Variants in PFKFB3 observed in about 807,000 individuals in gnomAD.
The protein encoded by PFKFB3 is 6-phosphofructo-2-kinase/fructose-2,6-biphosphatase 3, also known as 6-phosphofructo-2-kinase/fructose-2,6-bisphosphatase 3.
In PFKFB3, 33 loss-of-function variants were observed where a neutral mutation model predicts 68.0. The ratio of observed to expected loss-of-function variants is 0.49; its 90% CI spans 0.37 to 0.65. PFKFB3 has a LOEUF of 0.65. Ranked by LOEUF, PFKFB3 falls within the 30% of genes least tolerant of loss-of-function variation. The pLI is 0.00. For missense variants in PFKFB3, 586 were observed against 712.2 expected, an observed-to-expected ratio of 0.82 and a Z score of 2.02; for synonymous variants, 315 against 288.2, an observed-to-expected ratio of 1.09 and a Z score of -0.94.
the PFKFB3 span, among the ~76,000 whole-genome samples, chr10:6,291,994 C>T: frequency 8.8e-6 from 1 of 113,588 alleles, no homozygotes; most frequent in Admixed American, 1.2e-4. Flanking sequence ...CACTCTGTTG[C>T]TTAGGCTGGC....
chr10:6,186,088 G>T (rs1842861276), intron 1 of PFKFB3, among the ~76,000 whole-genome samples: 1 of 152,058 alleles, frequency 6.6e-6, no homozygotes, highest in Non-Finnish European at 1.5e-5. Context: ...GAAGGTGATT[G>T]GTGGTGTTTT....
intron 1 of PFKFB3, among the ~76,000 whole-genome samples, chr10:6,206,935 A>G (rs1356354934): frequency 5.0e-5 from 7 of 141,366 alleles, no homozygotes; most frequent in African/African-American, 1.8e-4. Context: ...CCAGGCAGAG[A>G]CACTCCTCAC....
intron 1 of PFKFB3, among the ~76,000 whole-genome samples, chr10:6,196,413 G>A (rs982988315): frequency 2.0e-5 from 3 of 152,118 alleles, no homozygotes; most frequent in African/African-American, 4.8e-5. Context: ...TGACTCCCAC[G>A]ATCACAAGGT....
chr10:6,284,275 G>C, the PFKFB3 span, among the ~76,000 whole-genome samples: 6 of 152,172 alleles, frequency 3.9e-5, no homozygotes, highest in African/African-American at 1.4e-4. Flanking sequence ...TTATACCGGG[G>C]TGTTGAAGTC....
At chr10:6,275,950 G>A in the PFKFB3 span, among the ~76,000 whole-genome samples, 2 of 152,152 alleles carry the variant, frequency 1.3e-5, no homozygotes, top group Non-Finnish European at 2.9e-5. The surrounding 1 kb of genome is among the most constrained non-coding windows in gnomAD (Gnocchi z 4.9). Flanking sequence ...CTTTCTTCAT[G>A]CTGGAGTATC....
At chr10:6,192,308 C>A (rs1404439714) in intron 1 of PFKFB3, among the ~76,000 whole-genome samples, 1 of 151,366 alleles carries the variant, frequency 6.6e-6, no homozygotes, top group Non-Finnish European at 1.5e-5. Flanking sequence ...GGTTTCCTAA[C>A]ATCTCGTCAG....
intron 14 of PFKFB3, among the ~76,000 whole-genome samples, chr10:6,246,953 C>A (rs551378675): frequency 6.6e-6 from 1 of 152,332 alleles, no homozygotes; most frequent in East Asian, 1.9e-4. Context: ...ATCCCTAACC[C>A]GAGGCTGGTG....
At chr10:6,151,770 G>C (rs1007033758) in intron 1 of PFKFB3, among the ~76,000 whole-genome samples, 1 of 152,168 alleles carries the variant, frequency 6.6e-6, no homozygotes, top group Non-Finnish European at 1.5e-5. Flanking sequence ...TGAGAAAGAG[G>C]AAGGTCTTGC....
At chr10:6,191,899 C>T (rs1390496689) in intron 1 of PFKFB3, among the ~76,000 whole-genome samples, 1 of 152,030 alleles carries the variant, frequency 6.6e-6, no homozygotes, top group African/African-American at 2.4e-5. Context: ...GGGATGGTGT[C>T]CAGGTGGCTC....
chr10:6,175,763 A>G (rs1364444543), intron 1 of PFKFB3, among the ~76,000 whole-genome samples: 2 of 152,242 alleles, frequency 1.3e-5, no homozygotes, highest in Admixed American at 6.5e-5. Context: ...AAAGCACTTC[A>G]ACCTCCCTAA....
intron 1 of PFKFB3, among the ~76,000 whole-genome samples, chr10:6,187,495 T>G (rs1842901877): frequency 6.6e-6 from 1 of 152,166 alleles, no homozygotes; most frequent in Admixed American, 6.5e-5. Context: ...CAGTAAGTGA[T>G]GAGATGGGAG....
At chr10:6,262,220 T>C in the PFKFB3 span, among the ~76,000 whole-genome samples, 80 of 151,772 alleles carry the variant, frequency 5.3e-4, no homozygotes, top group African/African-American at 1.5e-3. Flanking sequence ...TTTGGGAGGC[T>C]GAGGCGGGCG....
downstream of PFKFB3, among the ~76,000 whole-genome samples, chr10:6,259,196 C>CATCT (rs148987239): frequency 1.6e-4 from 21 of 135,136 alleles, no homozygotes; most frequent in African/African-American, 2.9e-4. Flanking sequence ...TCCATCCATC[C>CATCT]ATCCATCCAT....
At chr10:6,301,971 C>G in the PFKFB3 span, among the ~76,000 whole-genome samples, 1 of 152,308 alleles carries the variant, frequency 6.6e-6, no homozygotes, top group African/African-American at 2.4e-5. Flanking sequence ...GCTTTATCCA[C>G]TTCCTAACAG....
At chr10:6,310,473 A>G in the PFKFB3 span, among the ~76,000 whole-genome samples, 3 of 117,870 alleles carry the variant, frequency 2.5e-5, no homozygotes, top group Non-Finnish European at 5.6e-5. Flanking sequence ...AGATATTCGA[A>G]AAAAAAAGTC....
the PFKFB3 span, among the ~76,000 whole-genome samples, chr10:6,266,373 C>T: frequency 6.6e-5 from 10 of 152,224 alleles, no homozygotes; most frequent in East Asian, 1.2e-3. Context: ...GCTTTGAGGA[C>T]GTCGTTGATT....
chr10:6,275,167 C>T, the PFKFB3 span, among the ~76,000 whole-genome samples: 1 of 152,176 alleles, frequency 6.6e-6, no homozygotes, highest in Non-Finnish European at 1.5e-5. This position sits in a 1 kb window ranked among gnomAD's most constrained non-coding sequence, Gnocchi z 4.9. Context: ...CACTTGGGGG[C>T]CTTGTGCCAG....
intron 1 of PFKFB3, among the ~76,000 whole-genome samples, chr10:6,187,628 G>T (rs1204349152): frequency 6.6e-6 from 1 of 152,136 alleles, no homozygotes; most frequent in Non-Finnish European, 1.5e-5. Flanking sequence ...TTCAGCATTG[G>T]TGTTTGAAAT....
intron 1 of PFKFB3, among the ~76,000 whole-genome samples, chr10:6,212,938 C>A (rs1025440273): frequency 3.9e-5 from 6 of 152,304 alleles, no homozygotes; most frequent in Middle Eastern, 6.8e-3. Flanking sequence ...GCCCCTCTGT[C>A]CCCATGTTGT....
Sources: allele counts gnomAD v4.1 joint callset (sites outside exome capture counted in the v4.1 genomes callset), GRCh38; gene constraint gnomAD v4.1.1; non-coding constraint Gnocchi (gnomAD v3.1); transcripts MANE v1.5; gene names NCBI Gene and HGNC (gene_info 2026-07-23, HGNC 2026-07-21).